Variants in POLN observed in about 807,000 individuals in gnomAD.
POLN encodes DNA polymerase N.
POLN carries 108 observed loss-of-function variants against 113.5 expected under a neutral mutation model. The ratio of observed to expected loss-of-function variants is 0.95; its 90% confidence interval spans 0.81 to 1.12. The LOEUF (loss-of-function observed/expected upper bound fraction) is 1.12. Among genes scored for constraint, POLN ranks in the 50% most tolerant of loss-of-function variants. The probability of loss-of-function intolerance (pLI) is 0.00; values close to 1 mark genes in which losing one functional copy is unlikely to be tolerated. For synonymous variants in POLN, 386 were observed against 391.5 expected (o/e 0.99, Z 0.17); for missense variants, 1,097 against 1,077.1 (o/e 1.02, Z -0.26).
In POLN at chr4:2,176,261, C is replaced by G. The variant is rs1732993192; in HGVS notation, c.1248+5G>C. The G allele has an allele frequency of 3.1e-6, 5 of 1,601,618 alleles. No individual in the cohort carries two copies. The East Asian group carries it at 1.1e-4, about 36-fold the overall frequency. ...TCAGCCAGAAATTATAATAAAATGC[C>G]TTGCCTTCAGTTTAGAGCAAAGGTC... On this transcript the variant is annotated splice_donor_5th_base_variant and intron_variant, in intron 9 of 25. Coordinates refer to ENST00000511885, the MANE Select transcript of POLN (RefSeq NM_181808.4).
intron 2 of POLN, chr4:2,231,148 C>T (rs1734565974): frequency 6.6e-6 from 1 of 152,090 alleles, no homozygotes; most frequent in African/African-American, 2.4e-5. Flanking sequence ...CAAGTAGGGA[C>T]ATTAAAACAG....
At chr4:2,122,100 C>T (rs1731457379) in intron 19 of POLN, among the ~76,000 whole-genome samples, 1 of 152,090 alleles carries the variant, frequency 6.6e-6, no homozygotes, top group Non-Finnish European at 1.5e-5. Context: ...GTGATCTAAT[C>T]ACCAACACTT....
rs539208414 is a variant in POLN at position 2,185,039 on chromosome 4, T to A, written c.1022-5574A>T. On this transcript the variant is annotated intron_variant, in intron 7 of 25. Transcript: ENST00000511885. Reference sequence around the variant, plus strand: ...TAACCAAATAGATGATAAAAGGGGATTTCTCTTTATGTAAGTGTTATAGCT... The same window carrying A: ...TAACCAAATAGATGATAAAAGGGGAATTCTCTTTATGTAAGTGTTATAGCT... Among the ~76,000 whole-genome samples the A allele has an allele frequency of 3.0e-3, 450 of 152,330 alleles. 3 individuals are homozygous for A. Among genetic ancestry groups the A allele is most frequent in the African/African-American group, 0.01 (428 of 41,578 alleles).
intron 16 of POLN, among the ~76,000 whole-genome samples, chr4:2,150,756 G>T (rs1353069363): frequency 2.0e-5 from 3 of 152,126 alleles, no homozygotes; most frequent in Non-Finnish European, 2.9e-5. Flanking sequence ...GTCTTTTCAA[G>T]AAACGGTACT....
Position 2,128,138 on chromosome 4 carries a change from C to A in POLN, c.1957G>T (p.Val653Leu). 1.2e-6 allele frequency: 2 copies of A among 1,606,002 alleles called. No homozygotes were observed. The highest frequency in any genetic ancestry group is 8.5e-7 in the Non-Finnish European group (1 of 1,172,728). ...KLFQESERDDVFSTLTSQWKD... is the reference protein window; with the variant it reads ...KLFQESERDDLFSTLTSQWKD... ...CACTGTGAAGTCAGAGTAGAAAATA[C>A]ATCATCTCTTTCAGATTCCTGGAAT... Residue 653 changes from valine to leucine, a missense_variant, in exon 19 of 26, where the codon GTA (valine) becomes TTA (leucine). By Grantham distance (32) the Val-to-Leu change is conservative. Coordinates refer to ENST00000511885, the MANE Select transcript of POLN (RefSeq NM_181808.4).
chr4:2,209,188 A>G (rs145787628), intron 4 of POLN, among the ~76,000 whole-genome samples: 32 of 152,250 alleles, frequency 2.1e-4, no homozygotes, highest in African/African-American at 7.0e-4. Flanking sequence ...ATCTACTGAA[A>G]AAATGTTTTT....
chr4:2,174,326 C>T (rs1312592826), intron 10 of POLN, among the ~76,000 whole-genome samples: 1 of 152,242 alleles, frequency 6.6e-6, no homozygotes, highest in Admixed American at 6.5e-5. Context: ...CGGTCAAAGG[C>T]AAAGGCAGAA....
rs926961306 is a variant in POLN, at chr4:2,093,539, G to C, written c.2065+2312C>G. Reference sequence around the variant, plus strand: ...TTGGGGATCAAGCCCAGGCTGCCGGGCCCAGGACTGGGGAGGTGATGTCCT... The same window carrying C: ...TTGGGGATCAAGCCCAGGCTGCCGGCCCCAGGACTGGGGAGGTGATGTCCT... On this transcript the variant is annotated intron_variant, in intron 20 of 25. Transcript: ENST00000511885. This position sits in a 1 kb window ranked among gnomAD's most constrained non-coding sequence, Gnocchi z 4.1. Among the ~76,000 whole-genome samples the C allele has an allele frequency of 6.6e-6, 1 of 152,234 alleles. No homozygotes were observed. Among genetic ancestry groups the C allele is most frequent in the Non-Finnish European group, 1.5e-5 (1 of 68,042 alleles).
intron 13 of POLN, among the ~76,000 whole-genome samples, chr4:2,163,617 C>T (rs1355372162): frequency 6.6e-6 from 1 of 152,252 alleles, no homozygotes; most frequent in Non-Finnish European, 1.5e-5. Context: ...GAGTTTAACT[C>T]TGTGGTTATC....
At position 2,075,447 on chromosome 4, in the gene POLN, G is replaced by C; in HGVS notation, c.2455+5C>G. 2 of 1,613,280 alleles carry C rather than the reference G, an allele frequency of 1.2e-6. No homozygotes were observed. The highest frequency in any genetic ancestry group is 1.7e-6 in the Non-Finnish European group (2 of 1,179,956). On this transcript the variant is annotated splice_donor_5th_base_variant and intron_variant, in intron 24 of 25. Coordinates refer to ENST00000511885, the MANE Select transcript of POLN (RefSeq NM_181808.4). ...TCCAAGCAACCCTGTGTTGCCCCAG[G>C]CTACCTGCACACTCCGGGATCTGCG...
rs533753394 is a variant in POLN at position 2,189,935 on chromosome 4, G to A, written c.1021+3269C>T. On this transcript the variant is annotated intron_variant, in intron 7 of 25. Coordinates refer to ENST00000511885, the MANE Select transcript of POLN (RefSeq NM_181808.4). ...AGCTACTTCAGAGTCTGAGGCACAA[G>A]AATCACTTGAACCCAGGAGGTAGAG... is the stretch of plus-strand genomic sequence containing the variant. Among the ~76,000 whole-genome samples the A allele has an allele frequency of 2.7e-5, 4 of 147,592 alleles. No individual in the cohort carries two copies. In the Admixed American group the frequency reaches 2.8e-4, roughly 10 times the overall value.
In POLN at chr4:2,235,544, C is replaced by A. The variant is rs916705539; in HGVS notation, c.-13+5976G>T. 8.5e-5 allele frequency among the ~76,000 whole-genome samples: 13 copies of A among 152,056 alleles called. 1 individual carries two copies. The highest frequency in any genetic ancestry group is 8.5e-4 in the Admixed American group (13 of 15,272). The stretch of plus-strand genomic sequence containing the variant: ...ATCATATAATGGAATACTAACTATA[C>A]AAAAGAGAAAACTATGAATGAACTA... On this transcript the variant is annotated intron_variant, in intron 2 of 25. Transcript: ENST00000511885.
intron 16 of POLN, among the ~76,000 whole-genome samples, chr4:2,135,505 C>T (rs1577714634): frequency 6.6e-6 from 1 of 152,330 alleles, no homozygotes; most frequent in East Asian, 1.9e-4. Flanking sequence ...CTCTGTGATG[C>T]AAGCAGCCAT....
At chr4:2,096,128 G>T (rs375646156) in intron 19 of POLN, among the ~76,000 whole-genome samples, 195 bp from the exon 20 acceptor site, 5 of 152,178 alleles carry the variant, frequency 3.3e-5, no homozygotes, top group African/African-American at 1.2e-4. Flanking sequence ...AGATGCCTTC[G>T]GCGAGGCTGC....
rs140511168 is a variant in POLN at position 2,172,698 on chromosome 4, G to C, written c.1374+1257C>G. On this transcript the variant is annotated intron_variant, in intron 11 of 25. Transcript: ENST00000511885. The stretch of plus-strand genomic sequence containing the variant: ...ATGCACCCAGGGGAAGTGAGGATGT[G>C]CAAGAATGGGATCCCGTATGCATTC... 5.9e-5 allele frequency among the ~76,000 whole-genome samples: 9 copies of C among 152,322 alleles called. No individual in the cohort carries two copies. The East Asian group carries it at 1.7e-3, about 29-fold the overall frequency.
At chr4:2,193,150 G>A in intron 7 of POLN, 54 bp downstream of exon 7, 3 of 1,328,150 alleles carry the variant, frequency 2.3e-6, no homozygotes, top group Non-Finnish European at 3.2e-6. Flanking sequence ...CCATTCATAG[G>A]AGGAGTCACA....
chr4:2,161,685 C>A (rs1732595900), intron 13 of POLN, among the ~76,000 whole-genome samples: 1 of 152,246 alleles, frequency 6.6e-6, no homozygotes, highest in Non-Finnish European at 1.5e-5. Context: ...GGCAGCTTCA[C>A]CTGTAGCCCC....
chr4:2,241,859 G>C (rs994255498), intron 1 of POLN, 69 bp from the exon 2 acceptor site: 1 of 985,410 alleles, frequency 1.0e-6, no homozygotes, highest in Non-Finnish European at 1.2e-6. Context: ...GGGGGTGACA[G>C]GCCCCGCACA....
chr4:2,228,244 C>CAA (rs199773336), intron 3 of POLN: 35 of 56,490 alleles, frequency 6.2e-4, no homozygotes, highest in South Asian at 2.2e-3. Flanking sequence ...TTGCTAGTAG[C>CAA]AAAAAAAAAA....
Sources: gnomAD v4.1 joint callset for allele counts (sites outside exome capture counted in the v4.1 genomes callset) on GRCh38, gnomAD v4.1.1 for gene constraint, Gnocchi (gnomAD v3.1) non-coding constraint, MANE v1.5 for transcripts, NCBI Gene and HGNC (gene_info 2026-07-23, HGNC 2026-07-21) for gene names.